Variants in EPG5 observed in about 807,000 individuals in gnomAD.
EPG5 encodes the protein ectopic P granules protein 5 homolog.
A neutral mutation model predicts 302.7 loss-of-function variants in EPG5; 159 were observed. That is an observed-to-expected ratio of 0.53 (90% CI 0.46 to 0.60). EPG5 has a LOEUF of 0.60. EPG5 is among the 20% of genes least tolerant of loss of function. The pLI, the probability that EPG5 is intolerant of heterozygous loss-of-function variation, is 0.00. For missense variants in EPG5, 2,896 were observed against 3,092.4 expected, an observed-to-expected ratio of 0.94 and a Z score of 1.51; for synonymous variants, 1,158 against 1,136.8, an observed-to-expected ratio of 1.02 and a Z score of -0.37.
chr18:45,925,485 T>A (rs572851880), intron 14 of EPG5, among the ~76,000 whole-genome samples: 1 of 151,578 alleles, frequency 6.6e-6, no homozygotes, highest in East Asian at 1.9e-4. Context: ...ACAAAAAAAA[T>A]AAAAAATAAA....
At chr18:45,936,399 T>C (rs150823263) in intron 10 of EPG5, among the ~76,000 whole-genome samples, 65 of 152,150 alleles carry the variant, frequency 4.3e-4, no homozygotes, top group African/African-American at 1.5e-3. Context: ...AAAAAACACT[T>C]GTATCAGGAT....
chr18:45,919,614 G>A (rs1193045113), intron 16 of EPG5, among the ~76,000 whole-genome samples: 4 of 150,918 alleles, frequency 2.7e-5, no homozygotes, highest in Non-Finnish European at 4.4e-5. Context: ...CCAGGTTCAC[G>A]CCATTCTCCT....
At chr18:45,923,449 T>C in intron 14 of EPG5, 62 bp from the exon 15 acceptor site, 2 of 1,554,002 alleles carry the variant, frequency 1.3e-6, no homozygotes, top group South Asian at 1.2e-5. Flanking sequence ...TTTGTACCTT[T>C]GAATCAAAAC....
At chr18:45,887,998 T>C (rs1442198183) in intron 28 of EPG5, 91 bp from the exon 29 acceptor site, 27 of 1,031,164 alleles carry the variant, frequency 2.6e-5, no homozygotes, top group Middle Eastern at 3.2e-4. Context: ...TCTCAGGCAA[T>C]ATTCTTAAGA....
At chr18:45,906,319 A>G (rs546832597) in intron 24 of EPG5, among the ~76,000 whole-genome samples, 2 of 152,348 alleles carry the variant, frequency 1.3e-5, no homozygotes, top group East Asian at 3.9e-4. Context: ...TCAAAATACA[A>G]GCCAAATTAT....
rs1411482327 is a variant in EPG5 at position 45,882,402 on chromosome 18, G to C, written c.5390C>G (p.Thr1797Ser). Reference sequence around the variant, plus strand: ...CTCATCTGGTTCAAGGCCCCAGGCAGTAAGTGCCAAGTGAATGGACTCCAG... The same window carrying C: ...CTCATCTGGTTCAAGGCCCCAGGCACTAAGTGCCAAGTGAATGGACTCCAG... Reference protein sequence around the residue: ...RLLESIHLALTAWGLEPDEDI... With the variant: ...RLLESIHLALSAWGLEPDEDI... The change falls in exon 31 of 44, where the codon ACT becomes AGT. Residue 1797 changes from threonine (T) to serine (S), a missense_variant. This residue lies in a region of EPG5 where 790 missense variants were observed against 798.0 expected (regional missense o/e 0.99). Coordinates refer to ENST00000282041, the MANE Select transcript of EPG5 (RefSeq NM_020964.3). 2 of 1,614,106 alleles carry C rather than the reference G, an allele frequency of 1.2e-6. No individual in the cohort carries two copies. The highest frequency in any genetic ancestry group is 3.3e-5 in the Admixed American group (2 of 60,012).
At position 45,882,342 on chromosome 18, in the gene EPG5, T is replaced by C. The variant is rs773600008; in HGVS notation, c.5450A>G (p.His1817Arg). ...CTGGTAGAGAAGAAGATAAGTCCAG[T>C]GCTTACAGAAAAGATTAAATGGCAT... Reference protein sequence around the residue: ...ILMPFNLFCKHWTYLLLYQFP... With the variant: ...ILMPFNLFCKRWTYLLLYQFP... The change falls in exon 31 of 44, where the codon CAC becomes CGC. Residue 1817 changes from histidine (H) to arginine (R), a missense_variant. His to Arg is a conservative substitution (Grantham distance 29, BLOSUM62 0). This residue lies in a region of EPG5 where 790 missense variants were observed against 798.0 expected (regional missense o/e 0.99). Coordinates refer to ENST00000282041, the MANE Select transcript of EPG5 (RefSeq NM_020964.3). The C allele has an allele frequency of 1.9e-6, 3 of 1,614,218 alleles. No homozygotes were observed. The highest frequency in any genetic ancestry group is 1.1e-5 in the South Asian group (1 of 91,090).
At chr18:45,927,626 A>G (rs1354836881) in intron 13 of EPG5, among the ~76,000 whole-genome samples, 1 of 150,628 alleles carries the variant, frequency 6.6e-6, no homozygotes, top group East Asian at 2.0e-4. Flanking sequence ...ACACACACAC[A>G]CACACACGCA....
intron 1 of EPG5, among the ~76,000 whole-genome samples, chr18:45,960,329 T>G (rs1421467635): frequency 6.6e-6 from 1 of 152,210 alleles, no homozygotes. Context: ...ACTGGCTATT[T>G]GCAGGCACAA....
chr18:45,815,941 C>T, the EPG5 span, among the ~76,000 whole-genome samples: 1 of 152,106 alleles, frequency 6.6e-6, no homozygotes, highest in Admixed American at 6.5e-5. Flanking sequence ...CAAAAATAGG[C>T]ACATAGACTA....
In EPG5 at chr18:45,952,657, A is replaced by G. The variant is rs1322414579; in HGVS notation, c.1009-14T>C. On this transcript the variant is annotated splice_polypyrimidine_tract_variant and intron_variant, in intron 2 of 43. Transcript: ENST00000282041. ...TGCACAGATACCCTACCAGAGGACA[A>G]AAAGGTACAATATGAAACCAGTTAC... 6.2e-7 allele frequency: 1 copy of G among 1,612,798 alleles called. No homozygotes were observed.
the EPG5 span, among the ~76,000 whole-genome samples, chr18:45,834,485 G>C: frequency 6.6e-6 from 1 of 152,216 alleles, no homozygotes; most frequent in Non-Finnish European, 1.5e-5. Flanking sequence ...GAAGCCCCCT[G>C]CTGTAGGAAA....
intron 34 of EPG5, among the ~76,000 whole-genome samples, chr18:45,876,846 C>T (rs75183427): frequency 0.15 from 23,016 of 151,832 alleles, 2,235 homozygotes; most frequent in East Asian, 0.31. Context: ...TGTAGTGGCA[C>T]GATCTTGGCT....
chr18:45,964,193 G>T (rs531053446), intron 1 of EPG5, among the ~76,000 whole-genome samples: 7 of 152,058 alleles, frequency 4.6e-5, no homozygotes, highest in African/African-American at 1.7e-4. Flanking sequence ...TTTAGAAATT[G>T]TTTTAAACAA....
the EPG5 span, chr18:45,825,525 C>G: frequency 1.7e-6 from 1 of 585,242 alleles, no homozygotes; most frequent in Non-Finnish European, 3.1e-6. Flanking sequence ...TGACTAAACT[C>G]CACGGGGCTT....
At chr18:45,833,028 C>A in the EPG5 span, among the ~76,000 whole-genome samples, 2 of 152,136 alleles carry the variant, frequency 1.3e-5, no homozygotes, top group Non-Finnish European at 2.9e-5. Context: ...CCTCTGTGTT[C>A]CCATTCTGCT....
At chr18:45,910,152 ATTTTT>A (rs971018636) in intron 23 of EPG5, among the ~76,000 whole-genome samples, 2 of 149,936 alleles carry the variant, frequency 1.3e-5, no homozygotes, top group South Asian at 4.2e-4. Flanking sequence ...GGCTTGGCTA[ATTTTT>A]TTTTTATTTT....
chr18:45,912,284 G>A lies in EPG5; in HGVS notation c.3983+6C>T. On this transcript the variant is annotated splice_donor_region_variant and intron_variant, in intron 22 of 43. Transcript: ENST00000282041. ...TCACAGAAACCTACAATACTGGGCA[G>A]CATACCCATACTGTGGTCCCGGACG... is the stretch of plus-strand genomic sequence containing the variant. 1 of 1,575,806 alleles carries A rather than the reference G, an allele frequency of 6.3e-7. No individual in the cohort carries two copies. Among genetic ancestry groups the A allele is most frequent in the Non-Finnish European group, 8.6e-7 (1 of 1,164,112 alleles).
At chr18:45,897,340 T>C (rs2049501387) in intron 27 of EPG5, among the ~76,000 whole-genome samples, 1 of 152,244 alleles carries the variant, frequency 6.6e-6, no homozygotes. Flanking sequence ...CTCTTCTCTA[T>C]ATAAAATTAA....
Sources: allele counts gnomAD v4.1 joint callset (sites outside exome capture counted in the v4.1 genomes callset), GRCh38; gene constraint gnomAD v4.1.1; regional missense constraint gnomAD v4.1.1; transcripts MANE v1.5; gene names NCBI Gene and HGNC (gene_info 2026-07-23, HGNC 2026-07-21).